Variants in TAFA1 observed in about 807,000 individuals in gnomAD.
TAFA1 encodes TAFA chemokine like family member 1, also known as chemokine-like protein TAFA-1.
A neutral mutation model predicts 18.5 loss-of-function variants in TAFA1; 4 were observed. The observed-to-expected ratio is 0.22, with a 90% CI of 0.11 to 0.49. TAFA1 has a LOEUF of 0.49. Ranked by LOEUF, TAFA1 falls within the 20% of genes least tolerant of loss-of-function variation. TAFA1 has a pLI of 0.98. For synonymous variants in TAFA1, 56 were observed against 55.2 expected (o/e 1.01, Z -0.06); for missense variants, 147 against 169.0 (o/e 0.87, Z 0.72).
chr3:68,467,720 T>G (rs989731820), intron 3 of TAFA1, among the ~76,000 whole-genome samples: 7 of 152,072 alleles, frequency 4.6e-5, no homozygotes, highest in African/African-American at 1.2e-4. Context: ...AGACATAACC[T>G]AGGAGATGCT....
At chr3:68,282,302 A>G (rs2067912836) in intron 2 of TAFA1, among the ~76,000 whole-genome samples, 1 of 152,140 alleles carries the variant, frequency 6.6e-6, no homozygotes, top group South Asian at 2.1e-4. Context: ...GATGACGGTG[A>G]TCATGGACAA....
intron 2 of TAFA1, among the ~76,000 whole-genome samples, chr3:68,185,263 C>T (rs1429481737): frequency 6.6e-6 from 1 of 151,926 alleles, no homozygotes; most frequent in Non-Finnish European, 1.5e-5. Flanking sequence ...AGGGAAAGGA[C>T]GTTTCCAAAT....
chr3:68,276,516 C>A (rs1008536553), intron 2 of TAFA1, among the ~76,000 whole-genome samples: 11 of 152,078 alleles, frequency 7.2e-5, no homozygotes, highest in African/African-American at 2.7e-4. Flanking sequence ...GATTTGTGTG[C>A]AAAGTTTTAC....
chr3:68,346,682 G>A (rs1417393527), intron 2 of TAFA1, among the ~76,000 whole-genome samples: 2 of 152,200 alleles, frequency 1.3e-5, no homozygotes, highest in African/African-American at 4.8e-5. Flanking sequence ...CTTGCTGTAG[G>A]TTAACTCCTT....
intron 2 of TAFA1, among the ~76,000 whole-genome samples, chr3:68,048,405 G>C (rs1409300941): frequency 6.6e-6 from 1 of 151,906 alleles, no homozygotes; most frequent in Non-Finnish European, 1.5e-5. Flanking sequence ...ATCACATCAG[G>C]ATAAATGAGG....
At chr3:68,454,795 C>A (rs2071628055) in intron 3 of TAFA1, among the ~76,000 whole-genome samples, 1 of 152,190 alleles carries the variant, frequency 6.6e-6, no homozygotes, top group Non-Finnish European at 1.5e-5. Context: ...GGCCAACCCC[C>A]AGCTATTCTG....
At chr3:68,382,210 T>A (rs966334274) in intron 2 of TAFA1, among the ~76,000 whole-genome samples, 1 of 152,212 alleles carries the variant, frequency 6.6e-6, no homozygotes, top group African/African-American at 2.4e-5. Flanking sequence ...TTTGCATCAA[T>A]GTTCATCAAG....
intron 3 of TAFA1, among the ~76,000 whole-genome samples, chr3:68,462,159 A>G (rs1285926222): frequency 2.0e-5 from 3 of 152,120 alleles, no homozygotes; most frequent in African/African-American, 7.2e-5. Flanking sequence ...CTAAATATAT[A>G]TCTACACTTA....
At chr3:68,511,789 C>A (rs534881611) in intron 3 of TAFA1, among the ~76,000 whole-genome samples, 1 of 151,880 alleles carries the variant, frequency 6.6e-6, no homozygotes, top group South Asian at 2.1e-4. Context: ...AAACTAAAAT[C>A]AAATATGTTA....
intron 2 of TAFA1, among the ~76,000 whole-genome samples, chr3:68,146,541 T>C (rs1157597502): frequency 2.0e-5 from 3 of 152,242 alleles, no homozygotes; most frequent in Non-Finnish European, 2.9e-5. Flanking sequence ...GTTCCCCATC[T>C]TGGGGACCCA....
At chr3:68,196,651 C>T (rs1396608145) in intron 2 of TAFA1, among the ~76,000 whole-genome samples, 5 of 151,704 alleles carry the variant, frequency 3.3e-5, no homozygotes, top group Admixed American at 1.3e-4. Context: ...TGTTATATTT[C>T]ATTTGTGATT....
At chr3:68,473,432 C>T (rs988756423) in intron 3 of TAFA1, among the ~76,000 whole-genome samples, 6 of 152,170 alleles carry the variant, frequency 3.9e-5, no homozygotes, top group African/African-American at 1.2e-4. Context: ...AGTTGCATAA[C>T]TTGCTACATG....
At chr3:68,480,152 G>C (rs993792762) in intron 3 of TAFA1, among the ~76,000 whole-genome samples, 4 of 151,918 alleles carry the variant, frequency 2.6e-5, no homozygotes, top group Non-Finnish European at 4.4e-5. Flanking sequence ...TAGCACTTTG[G>C]GAGGCCAGGG....
At chr3:68,115,255 G>A (rs2065311254) in intron 2 of TAFA1, among the ~76,000 whole-genome samples, 1 of 152,106 alleles carries the variant, frequency 6.6e-6, no homozygotes, top group South Asian at 2.1e-4. Context: ...CTGTTAGCAT[G>A]GTATATTCCA....
At chr3:68,084,662 G>A (rs550254929) in intron 2 of TAFA1, among the ~76,000 whole-genome samples, 48 of 152,220 alleles carry the variant, frequency 3.2e-4, no homozygotes, top group Middle Eastern at 3.4e-3. Flanking sequence ...GCTGGGCGCG[G>A]TGGCAGGCGG....
intron 2 of TAFA1, among the ~76,000 whole-genome samples, chr3:68,269,110 A>G (rs1164242213): frequency 6.6e-6 from 1 of 152,002 alleles, no homozygotes; most frequent in Non-Finnish European, 1.5e-5. Context: ...TTTGAGGCTA[A>G]TTCTCCCAAA....
chr3:68,384,645 T>C (rs1457816660), intron 2 of TAFA1, among the ~76,000 whole-genome samples: 1 of 152,040 alleles, frequency 6.6e-6, no homozygotes. Flanking sequence ...TATTCTGTTG[T>C]TTTGGGGTAG....
chr3:68,123,468 A>G (rs1160482550), intron 2 of TAFA1, among the ~76,000 whole-genome samples: 1 of 152,142 alleles, frequency 6.6e-6, no homozygotes, highest in East Asian at 1.9e-4. Context: ...TGCCTGAGAT[A>G]ACATAGAACT....
At chr3:68,474,818 T>C (rs2072060983) in intron 3 of TAFA1, among the ~76,000 whole-genome samples, 1 of 152,168 alleles carries the variant, frequency 6.6e-6, no homozygotes, top group African/African-American at 2.4e-5. Flanking sequence ...GGAGGAAATA[T>C]AGCACAAGAG....
Sources: gnomAD v4.1 joint callset for allele counts (sites outside exome capture counted in the v4.1 genomes callset) on GRCh38, gnomAD v4.1.1 for gene constraint, MANE v1.5 for transcripts, NCBI Gene and HGNC (gene_info 2026-07-23, HGNC 2026-07-21) for gene names.